The following PLA2G4B variants were observed in gnomAD, a reference collection of about 807,000 sequenced individuals.
PLA2G4B encodes phospholipase A2 group IVB, also known as cytosolic phospholipase A2 beta.
Under a neutral mutation model 95.8 loss-of-function variants are expected in PLA2G4B, and 122 were observed. The observed-to-expected ratio is 1.27, with a 90% CI of 1.10 to 1.48. The LOEUF (loss-of-function observed/expected upper bound fraction) is 1.48, where lower values mean the gene tolerates loss of function less well. PLA2G4B is among the 40% of genes most tolerant of loss of function. PLA2G4B has a pLI of 0.00. For synonymous variants in PLA2G4B, 518 were observed against 421.5 expected, an observed-to-expected ratio of 1.23 and a Z score of -2.80; for missense variants, 1,158 against 996.2, an observed-to-expected ratio of 1.16 and a Z score of -2.19.
chr15:41,846,869 G>T (rs1595426601), intron 18 of PLA2G4B, 34 bp downstream of exon 18: 1 of 1,584,106 alleles, frequency 6.3e-7, no homozygotes, highest in East Asian at 2.3e-5. Context: ...CAGGGAGGCG[G>T]TGGGTGGCCC....
At chr15:41,847,577 C>G (rs1032235863) in intron 19 of PLA2G4B, 54 bp downstream of exon 19, 3 of 1,608,376 alleles carry the variant, frequency 1.9e-6, no homozygotes, top group African/African-American at 1.3e-5. Flanking sequence ...ACACCTCCTC[C>G]GTCCCCTGTG....
intron 9 of PLA2G4B, 129 bp from the exon 10 acceptor site, chr15:41,842,425 C>T (rs1435879211): frequency 6.4e-7 from 1 of 1,554,640 alleles, no homozygotes; most frequent in Non-Finnish European, 8.7e-7. Context: ...TCTGAGCATC[C>T]CTGCTTCAGG....
Position 41,841,561 on chromosome 15 carries a change from A to T in PLA2G4B, c.480A>T (p.Gly160=), listed in dbSNP as rs745947553. The change falls in exon 7 of 20, where the codon GGA becomes GGT. Residue 160 remains glycine (G), a synonymous_variant. Transcript: ENST00000458483. ...SCLHVQLEET[G]DQKSSEHRVQ... ...TGCACGTTCAACTGGAGGAGACAGG[A>T]GACCAGAAGTGTGAGTCCCCAACCC... The T allele has an allele frequency of 1.2e-5, 19 of 1,613,898 alleles. No homozygotes were observed. The Admixed American group carries it at 3.2e-4, about 27-fold the overall frequency.
rs2140902056 is a variant in PLA2G4B, at chr15:41,847,989, G to A, written c.*129G>A. ...GCACGGTCCCAGGGTCCAGGCTGAGGGCTGGGAGCTCCCTTGCGCCTCAGC... is the reference window on the plus strand; with the variant it reads ...GCACGGTCCCAGGGTCCAGGCTGAGAGCTGGGAGCTCCCTTGCGCCTCAGC... On this transcript the variant is annotated 3_prime_UTR_variant, in exon 20 of 20. Transcript: ENST00000458483. 4 of 1,284,212 alleles carry A rather than the reference G, an allele frequency of 3.1e-6. No homozygotes were observed. In the South Asian group the frequency reaches 6.0e-5, roughly 19 times the overall value. The allele number at this position is 1,284,212 out of a possible 1,614,324, so 79.6% of individuals were successfully genotyped here.
intron 8 of PLA2G4B, 99 bp downstream of exon 8, chr15:41,842,048 C>T (rs2065441465): frequency 3.2e-6 from 5 of 1,558,152 alleles, no homozygotes; most frequent in Non-Finnish European, 2.6e-6. Flanking sequence ...GCAGAGTGGG[C>T]ACCCTGGCAG....
Position 41,846,770 on chromosome 15 carries a change from C to T in PLA2G4B, c.1882C>T (p.Leu628=), listed in dbSNP as rs531592326. 1.7e-5 allele frequency: 28 copies of T among 1,614,038 alleles called. No individual in the cohort carries two copies. The Admixed American group carries it at 2.8e-4, about 16-fold the overall frequency. ...YLINTSCLPL[L]QPTRDVDLIL... ...CATCAATACCAGCTGCCTGCCCCTCCTGCAGCCCACTCGGGACGTGGACCT... is the reference window on the plus strand; with the variant it reads ...CATCAATACCAGCTGCCTGCCCCTCTTGCAGCCCACTCGGGACGTGGACCT... Residue 628 remains leucine (L), a synonymous_variant, in exon 18 of 20, where the codon CTG becomes TTG. Transcript: ENST00000458483.
chr15:41,846,866 G>A (rs1343934563), intron 18 of PLA2G4B, 31 bp downstream of exon 18: 1 of 1,584,806 alleles, frequency 6.3e-7, no homozygotes, highest in East Asian at 2.3e-5. Context: ...CACCAGGGAG[G>A]CGGTGGGTGG....
chr15:41,840,599 A>G lies in PLA2G4B; in HGVS notation c.158A>G (p.Lys53Arg), dbSNP rs565999889. 4 of 1,614,036 alleles carry G rather than the reference A, an allele frequency of 2.5e-6. No individual in the cohort carries two copies. The South Asian group carries it at 3.3e-5, about 13-fold the overall frequency. The stretch of plus-strand genomic sequence containing the variant: ...CACAGGCTCCAGACACGCACGGTCA[A>G]GAACAGCAGTAGCCCTGTCTGGAAC... ...CSHRLQTRTV[K>R]NSSSPVWNQS... is the part of the protein sequence containing the mutation. The change falls in exon 3 of 20, where the codon AAG (lysine) becomes AGG (arginine). Residue 53 changes from lysine (K) to arginine (R), a missense_variant. Physicochemically the swap from Lys to Arg is conservative, Grantham distance 26. Coordinates refer to ENST00000458483, the MANE Select transcript of PLA2G4B (RefSeq NM_001114633.2).
intron 7 of PLA2G4B, 117 bp downstream of exon 7, chr15:41,841,688 G>A (rs1648836): frequency 0.8 from 1,242,553 of 1,561,044 alleles, 496,947 homozygotes; most frequent in East Asian, 0.88. Flanking sequence ...TCGGGGGACT[G>A]TGGTGGGGGA....
chr15:41,846,503 A>C, intron 17 of PLA2G4B, 121 bp downstream of exon 17: 1 of 1,505,532 alleles, frequency 6.6e-7, no homozygotes, highest in Non-Finnish European at 8.9e-7. Context: ...ACTACTTGGA[A>C]CAGGGGTCTT....
intron 12 of PLA2G4B, 82 bp from the exon 13 acceptor site, chr15:41,844,766 G>T: frequency 1.3e-6 from 2 of 1,537,962 alleles, no homozygotes; most frequent in Non-Finnish European, 1.8e-6. Flanking sequence ...CCAGGCCATT[G>T]TCCTAGAAAG....
chr15:41,846,447 C>G (rs2065548192), intron 17 of PLA2G4B, 65 bp downstream of exon 17: 1 of 1,556,140 alleles, frequency 6.4e-7, no homozygotes, highest in East Asian at 2.3e-5. Context: ...TCCAGATACC[C>G]CTCACAGTCC....
chr15:41,845,896 T>C lies in PLA2G4B; in HGVS notation c.1496-47T>C, dbSNP rs202094662. On this transcript the variant is annotated intron_variant, in intron 15 of 19. Coordinates refer to ENST00000458483, the MANE Select transcript of PLA2G4B (RefSeq NM_001114633.2). ...GGACTGGCCATGGGGAAGGGTAGGA[T>C]TGGGACAAGAGTCGGGGGCCCTCTT... The C allele has an allele frequency of 1.1e-4, 166 of 1,516,698 alleles. 1 individual carries two copies. The highest frequency in any genetic ancestry group is 2.3e-5 in the East Asian group (1 of 43,984). The allele number at this position is 1,516,698 out of a possible 1,614,324, so 94.0% of individuals were successfully genotyped here.
chr15:41,840,558 GC>G lies in PLA2G4B; in HGVS notation c.120del (p.Thr41ArgfsTer38), dbSNP rs1418379582. The G allele has an allele frequency of 6.2e-7, 1 of 1,613,876 alleles. No homozygotes were observed. Among genetic ancestry groups the G allele is most frequent in the African/African-American group, 1.3e-5 (1 of 75,048 alleles). ...CTGACTGCTACGTGACTCTCTGGCT[GC>G]CCACGGCCTGCAGCCACAGGCTCCA... Reference protein sequence around the residue: ...PSDCYVTLWLPTACSHRLQTR... With the variant: ...PSDCYVTLWLXTACSHRLQTR... On this transcript the variant is annotated frameshift_variant, in exon 3 of 20. Coordinates refer to ENST00000458483, the MANE Select transcript of PLA2G4B (RefSeq NM_001114633.2). LOFTEE classifies it high-confidence loss of function.
intron 7 of PLA2G4B, 61 bp from the exon 8 acceptor site, chr15:41,841,758 A>G: frequency 6.3e-7 from 1 of 1,595,848 alleles, no homozygotes; most frequent in Non-Finnish European, 8.6e-7. Context: ...CCACGCAGCA[A>G]GATGGGTTCT....
intron 9 of PLA2G4B, 98 bp downstream of exon 9, chr15:41,842,374 C>T: frequency 6.4e-7 from 1 of 1,567,406 alleles, no homozygotes; most frequent in Non-Finnish European, 8.7e-7. Context: ...GTGGGTCACA[C>T]CCTGAGCAGG....
At chr15:41,846,978 A>G (rs2065567832) in intron 18 of PLA2G4B, 143 bp downstream of exon 18, 2 of 1,204,952 alleles carry the variant, frequency 1.7e-6, no homozygotes, top group Middle Eastern at 3.0e-4. Flanking sequence ...CCACCAGAGG[A>G]GCTCATTCTT....
Position 41,846,748 on chromosome 15 carries a change from C to A in PLA2G4B, c.1860C>A (p.Ile620=). Residue 620 remains isoleucine (I), a synonymous_variant, in exon 18 of 20, where the codon ATC becomes ATA. Transcript: ENST00000458483. ...GCCTGCTGGATGTTGGCTACCTCAT[C>A]AATACCAGCTGCCTGCCCCTCCTGC... is the stretch of plus-strand genomic sequence containing the variant. ...HLCLLDVGYL[I]NTSCLPLLQP... The A allele has an allele frequency of 6.2e-7, 1 of 1,614,036 alleles. No individual in the cohort carries two copies. Among genetic ancestry groups the A allele is most frequent in the Non-Finnish European group, 8.5e-7 (1 of 1,179,984 alleles).
intron 9 of PLA2G4B, 39 bp from the exon 10 acceptor site, chr15:41,842,507 GGTGGAGGT>G (rs2140891372): frequency 6.2e-7 from 1 of 1,611,436 alleles, no homozygotes; most frequent in Non-Finnish European, 8.5e-7. Flanking sequence ...ACCAGAGCTG[GGTGGAGGT>G]GGCCGACCTT....
Sources: allele counts gnomAD v4.1 joint callset, GRCh38; gene constraint gnomAD v4.1.1; transcripts MANE v1.5; gene names NCBI Gene and HGNC (gene_info 2026-07-23, HGNC 2026-07-21).